SLC39A12: variants seen among roughly 807,000 people sequenced by gnomAD.
The protein encoded by SLC39A12 is zinc transporter ZIP12.
Under a neutral mutation model 71.1 loss-of-function variants are expected in SLC39A12, and 63 were observed. The observed-to-expected ratio is 0.89, with a 90% CI of 0.72 to 1.09. The LOEUF is 1.09. Among genes scored for constraint, SLC39A12 ranks in the 50% least tolerant of loss-of-function variants. The pLI, the probability that SLC39A12 is intolerant of heterozygous loss-of-function variation, is 0.00. For missense variants in SLC39A12, 892 were observed against 812.6 expected (o/e 1.10, Z -1.19); for synonymous variants, 351 against 301.3 (o/e 1.16, Z -1.71).
chr10:18,003,146 A>AT (rs1835883403), intron 11 of SLC39A12, 25 bp from the exon 12 acceptor site: 1 of 1,600,696 alleles, frequency 6.2e-7, no homozygotes, highest in African/African-American at 1.3e-5. Context: ...TGATAATTAT[A>AT]TTTTCCTTTC....
At chr10:18,030,137 A>G (rs1226891304) in intron 12 of SLC39A12, among the ~76,000 whole-genome samples, 1 of 152,100 alleles carries the variant, frequency 6.6e-6, no homozygotes, top group Non-Finnish European at 1.5e-5. Flanking sequence ...TGAACATGGA[A>G]AGTTCACATA....
At chr10:18,011,214 GGAGTAGCTGGGATTGCAAACATGTGCCC>G (rs1836211456) in intron 12 of SLC39A12, among the ~76,000 whole-genome samples, 1 of 151,882 alleles carries the variant, frequency 6.6e-6, no homozygotes, top group African/African-American at 2.4e-5. Flanking sequence ...CTCAGCCTCT[GGAGTAGCTGGGATTGCAAACATGTGCCC>G]CCATGCCCGC....
At chr10:17,969,594 G>A (rs941418038) in intron 4 of SLC39A12, among the ~76,000 whole-genome samples, 8 of 152,100 alleles carry the variant, frequency 5.3e-5, no homozygotes, top group Non-Finnish European at 7.4e-5. Flanking sequence ...GTCTTATTTT[G>A]AGACATGTCT....
At chr10:18,014,429 T>A (rs576007475) in intron 12 of SLC39A12, among the ~76,000 whole-genome samples, 192 of 152,336 alleles carry the variant, frequency 1.3e-3, no homozygotes, top group African/African-American at 4.2e-3. Flanking sequence ...CAGTATTTTT[T>A]AAAATATAAT....
intron 8 of SLC39A12, among the ~76,000 whole-genome samples, chr10:17,992,379 T>C (rs1835576957): frequency 6.6e-6 from 1 of 152,198 alleles, no homozygotes; most frequent in Non-Finnish European, 1.5e-5. Context: ...TCAAATAGAC[T>C]ACAAGTCAAC....
intron 12 of SLC39A12, among the ~76,000 whole-genome samples, chr10:18,041,912 T>G (rs1419070130): frequency 6.8e-6 from 1 of 147,010 alleles, no homozygotes; most frequent in African/African-American, 2.5e-5. Context: ...TATATATGTA[T>G]ACATATATAT....
At chr10:18,027,439 T>A (rs1564661743) in intron 12 of SLC39A12, among the ~76,000 whole-genome samples, 1 of 152,232 alleles carries the variant, frequency 6.6e-6, no homozygotes, top group Admixed American at 6.5e-5. Context: ...CCTCTCCTCC[T>A]ACCAGAAGTA....
At chr10:18,017,028 T>C (rs1836404601) in intron 12 of SLC39A12, among the ~76,000 whole-genome samples, 1 of 152,208 alleles carries the variant, frequency 6.6e-6, no homozygotes, top group Non-Finnish European at 1.5e-5. Flanking sequence ...ACTGAGGTTT[T>C]AATTTTGGGA....
chr10:18,009,138 GC>G (rs1166145007), intron 12 of SLC39A12, among the ~76,000 whole-genome samples: 2 of 152,084 alleles, frequency 1.3e-5, no homozygotes, highest in Admixed American at 6.6e-5. Context: ...AAACCTTTAG[GC>G]ATTTTTCCTA....
At chr10:18,018,520 G>A (rs755053522) in intron 12 of SLC39A12, among the ~76,000 whole-genome samples, 19 of 152,110 alleles carry the variant, frequency 1.2e-4, no homozygotes, top group Non-Finnish European at 1.5e-5. Context: ...ATAGGTTTTT[G>A]TAAATGTTCT....
rs1261857175 is a variant in SLC39A12 at position 18,042,798 on chromosome 10, C to T, written c.2041C>T (p.Leu681Phe). ...GATCCTAGGTTGGCTTTCTCTCCTG[C>T]TCTTGGCTATATATGAGCAAAATAT... is the stretch of plus-strand genomic sequence containing the variant. ...GLILGWLSLL[L>F]LAIYEQNIKI Residue 681 changes from leucine to phenylalanine, a missense_variant, in exon 13 of 13, where the codon CTC (leucine) becomes TTC (phenylalanine). By Grantham distance (22) the Leu-to-Phe change is conservative. Transcript: ENST00000377369. The T allele has an allele frequency of 6.2e-7, 1 of 1,612,676 alleles. No homozygotes were observed. Among genetic ancestry groups the T allele is most frequent in the African/African-American group, 1.3e-5 (1 of 74,816 alleles).
At chr10:18,042,463 G>GAAA (rs551298382) in intron 12 of SLC39A12, among the ~76,000 whole-genome samples, 228 of 115,046 alleles carry the variant, frequency 2.0e-3, no homozygotes, top group African/African-American at 6.7e-3. Flanking sequence ...TGCCTCAAAA[G>GAAA]AAAAAAAAAA....
At chr10:17,966,985 A>T (rs1306922818) in intron 4 of SLC39A12, among the ~76,000 whole-genome samples, 1 of 151,992 alleles carries the variant, frequency 6.6e-6, no homozygotes, top group Non-Finnish European at 1.5e-5. Flanking sequence ...AAAAAAAAAA[A>T]TTCAGTTAGT....
intron 6 of SLC39A12, 140 bp from the exon 7 acceptor site, chr10:17,987,334 CAAAAT>C (rs1835423908): frequency 2.8e-6 from 2 of 705,452 alleles, no homozygotes; most frequent in Non-Finnish European, 4.7e-6. Flanking sequence ...GAGCCTGTCT[CAAAAT>C]AAAAACAAAA....
At chr10:18,036,777 TATA>T (rs1837048724) in intron 12 of SLC39A12, among the ~76,000 whole-genome samples, 1 of 18,708 alleles carries the variant, frequency 5.3e-5, no homozygotes, top group African/African-American at 1.6e-4. Flanking sequence ...TATATATATA[TATA>T]TATATATATA....
At chr10:18,028,899 T>C (rs750588289) in intron 12 of SLC39A12, among the ~76,000 whole-genome samples, 6 of 152,138 alleles carry the variant, frequency 3.9e-5, no homozygotes, top group Non-Finnish European at 5.9e-5. Context: ...TTTGTGTTTT[T>C]AATAGAGACG....
chr10:17,995,824 A>G (rs1835669933), intron 10 of SLC39A12, 102 bp downstream of exon 10: 4 of 992,594 alleles, frequency 4.0e-6, no homozygotes, highest in Admixed American at 2.7e-5. Flanking sequence ...CATATTGGGT[A>G]TGTAGTTTAT....
chr10:17,967,572 C>A (rs537085870), intron 4 of SLC39A12, among the ~76,000 whole-genome samples: 16 of 152,188 alleles, frequency 1.1e-4, no homozygotes, highest in African/African-American at 3.4e-4. Context: ...CAAAACAGAA[C>A]AATTTGCTTT....
At chr10:17,961,929 C>T in intron 3 of SLC39A12, 67 bp downstream of exon 3, 2 of 1,470,718 alleles carry the variant, frequency 1.4e-6, no homozygotes, top group Non-Finnish European at 1.8e-6. Context: ...ATTGTTTGTT[C>T]CTTATTTATT....
Sources: allele counts gnomAD v4.1 joint callset (sites outside exome capture counted in the v4.1 genomes callset), GRCh38; gene constraint gnomAD v4.1.1; transcripts MANE v1.5; gene names NCBI Gene and HGNC (gene_info 2026-07-23, HGNC 2026-07-21).